The following DFFB variants were observed in gnomAD, a reference collection of about 807,000 sequenced individuals.
DFFB encodes the protein DNA fragmentation factor subunit beta.
A neutral mutation model predicts 32.7 loss-of-function variants in DFFB; 29 were observed. The ratio of observed to expected loss-of-function variants is 0.89; its 90% CI spans 0.66 to 1.21. The LOEUF (loss-of-function observed/expected upper bound fraction) is 1.21, where lower values mean the gene tolerates loss of function less well. Among genes scored for constraint, DFFB ranks in the 50% most tolerant of loss-of-function variants. The probability of loss-of-function intolerance (pLI) is 0.00; values close to 1 mark genes in which losing one functional copy is unlikely to be tolerated. For missense variants in DFFB, 398 were observed against 440.6 expected, an observed-to-expected ratio of 0.90 and a Z score of 0.87; for synonymous variants, 170 against 177.1, an observed-to-expected ratio of 0.96 and a Z score of 0.32.
At chr1:3,866,700 C>A (rs1644986976) in intron 3 of DFFB, among the ~76,000 whole-genome samples, 1 of 152,132 alleles carries the variant, frequency 6.6e-6, no homozygotes, top group African/African-American at 2.4e-5. Context: ...CAAAGCTGAA[C>A]CCGTGTCCCT....
At chr1:3,872,614 G>GGGCCCTGTCCTTGCCGC in intron 6 of DFFB, 42 bp downstream of exon 6, 1 of 959,752 alleles carries the variant, frequency 1.0e-6, no homozygotes, top group Non-Finnish European at 1.5e-6. Flanking sequence ...AGTGCCTGCA[G>GGGCCCTGTCCTTGCCGC]GGCCCTGTCC....
At position 3,884,748 on chromosome 1, in the gene DFFB, T is replaced by C. The variant is rs1473149154; in HGVS notation, c.*1007T>C. The stretch of plus-strand genomic sequence containing the variant: ...ACCAGGGCCAGCTAATTTTTGTATG[T>C]TTAGTAGAAACGGGGTTTCACCATG... On this transcript the variant is annotated 3_prime_UTR_variant, in exon 7 of 7. Coordinates refer to ENST00000378209, the MANE Select transcript of DFFB (RefSeq NM_004402.4). 6.6e-6 allele frequency: 1 copy of C among 152,142 alleles called. No homozygotes were observed. Among genetic ancestry groups the C allele is most frequent in the Non-Finnish European group, 1.5e-5 (1 of 68,044 alleles). The allele number at this position is 152,142 out of a possible 1,614,324, so 9.4% of individuals were successfully genotyped here. A position where few individuals can be genotyped will look rare whatever the true frequency, so the allele number is the denominator to read the frequency against.
chr1:3,860,607 C>A (rs1644862537), intron 2 of DFFB: 4 of 239,168 alleles, frequency 1.7e-5, no homozygotes, highest in Middle Eastern at 9.0e-4. Context: ...TCTACCCTTT[C>A]CCTCAAAGGC....
chr1:3,872,697 G>A, intron 6 of DFFB, 125 bp downstream of exon 6: 1 of 770,102 alleles, frequency 1.3e-6, no homozygotes, highest in Non-Finnish European at 2.0e-6. Flanking sequence ...TTGCCTCCTT[G>A]GGTTTCAAGG....
At chr1:3,872,684 G>T in intron 6 of DFFB, 112 bp downstream of exon 6, 1 of 955,130 alleles carries the variant, frequency 1.0e-6, no homozygotes, top group African/African-American at 1.6e-5. Flanking sequence ...CCCTGCCACG[G>T]TGTTGCCTCC....
chr1:3,879,254 G>T (rs1441648074), intron 6 of DFFB, among the ~76,000 whole-genome samples: 1 of 152,148 alleles, frequency 6.6e-6, no homozygotes, highest in Non-Finnish European at 1.5e-5. Context: ...ATGAGGTGTG[G>T]CTTCTCTTTG....
At chr1:3,878,057 C>T (rs1645259897) in intron 6 of DFFB, among the ~76,000 whole-genome samples, 1 of 152,168 alleles carries the variant, frequency 6.6e-6, no homozygotes, top group Non-Finnish European at 1.5e-5. Context: ...CTGCTGTCTC[C>T]TAGAATGTGA....
intron 4 of DFFB, 93 bp from the exon 5 acceptor site, chr1:3,869,512 T>G: frequency 7.5e-7 from 1 of 1,334,098 alleles, no homozygotes; most frequent in Non-Finnish European, 1.0e-6. Context: ...TTGGGCAGGG[T>G]CTCAGAGGGC....
At chr1:3,868,098 C>T (rs751793100) in intron 4 of DFFB, 45 bp downstream of exon 4, 2 of 1,564,872 alleles carry the variant, frequency 1.3e-6, no homozygotes, top group Non-Finnish European at 1.8e-6. Flanking sequence ...GTTTTTGAAG[C>T]CAGGCTCTGT....
Position 3,872,458 on chromosome 1 carries a change from C to T in DFFB, c.682-14C>T. 1 of 1,603,680 alleles carries T rather than the reference C, an allele frequency of 6.2e-7. No individual in the cohort carries two copies. The highest frequency in any genetic ancestry group is 1.1e-5 in the South Asian group (1 of 90,804). On this transcript the variant is annotated splice_polypyrimidine_tract_variant and intron_variant, in intron 5 of 6. Transcript: ENST00000378209. ...TCACTTTCTGGCCTTCCCTCATTGT[C>T]TTTTGGCCCCCAGGGTCCCTTTGAC...
intron 6 of DFFB, among the ~76,000 whole-genome samples, chr1:3,875,355 G>GAA: frequency 6.6e-6 from 1 of 152,140 alleles, no homozygotes; most frequent in Admixed American, 6.6e-5. Flanking sequence ...CTGGGGATTG[G>GAA]GGTGTGCGTC....
Position 3,868,040 on chromosome 1 carries a change from G to C in DFFB, c.497G>C (p.Ser166Thr), listed in dbSNP as rs776032198. The C allele has an allele frequency of 1.4e-5, 22 of 1,613,990 alleles. No homozygotes were observed. Among genetic ancestry groups the C allele is most frequent in the South Asian group, 6.6e-5 (6 of 91,090 alleles). Residue 166 changes from serine to threonine, a missense_variant, in exon 4 of 7, where the codon AGT (serine) becomes ACT (threonine). Ser to Thr is a moderately conservative substitution (Grantham distance 58). Transcript: ENST00000378209. ...TACAGCTGTGAGAGCCGGATCCGGA[G>C]TTACCTGAGGGAGGTGAGCCTGAGT... Reference protein sequence around the residue: ...LRYSCESRIRSYLREVSSYPS... With the variant: ...LRYSCESRIRTYLREVSSYPS...
At chr1:3,882,479 T>C (rs935602015) in intron 6 of DFFB, among the ~76,000 whole-genome samples, 5 of 151,880 alleles carry the variant, frequency 3.3e-5, no homozygotes, top group Non-Finnish European at 5.9e-5. Flanking sequence ...GTTATCCTGC[T>C]TCAGCCTCCT....
In DFFB at chr1:3,861,514, C is replaced by T. The variant is rs953698960; in HGVS notation, c.241+2670C>T. On this transcript the variant is annotated intron_variant, in intron 2 of 6. Coordinates refer to ENST00000378209, the MANE Select transcript of DFFB (RefSeq NM_004402.4). ...TGCAATCATAGCTCACTCTAGCTTT[C>T]ACTTCCTGGGCTCAAGCGATCCTCC... Among the ~76,000 whole-genome samples, 4 of 152,162 alleles carry T rather than the reference C, an allele frequency of 2.6e-5. No individual in the cohort carries two copies. In the East Asian group the frequency reaches 7.7e-4, roughly 29 times the overall value.
At chr1:3,860,335 C>T (rs1041626189) in intron 2 of DFFB, 13 of 317,118 alleles carry the variant, frequency 4.1e-5, no homozygotes, top group Admixed American at 1.9e-4. Flanking sequence ...CAAGTGATCC[C>T]GTTGCCTCAG....
intron 6 of DFFB, among the ~76,000 whole-genome samples, chr1:3,881,456 G>C (rs963348542): frequency 6.6e-6 from 1 of 152,178 alleles, no homozygotes. Flanking sequence ...AGGGTCCCCT[G>C]GGCCTGTATC....
chr1:3,883,651 AACCACCC>A lies in DFFB; in HGVS notation c.930_936del (p.Thr311SerfsTer16), dbSNP rs1340212394. The A allele has an allele frequency of 1.9e-6, 3 of 1,614,010 alleles. No individual in the cohort carries two copies. The highest frequency in any genetic ancestry group is 1.7e-6 in the Non-Finnish European group (2 of 1,180,040). On this transcript the variant is annotated frameshift_variant, in exon 7 of 7. Transcript: ENST00000378209. LOFTEE classifies it low-confidence loss of function (END_TRUNC). ...TAGTGCACATTGTCTGCCATAAGAAAACCACCCACAAGCTCAACTGTGACCCAAGCAG... is the reference window on the plus strand; with the variant it reads ...TAGTGCACATTGTCTGCCATAAGAAAACAAGCTCAACTGTGACCCAAGCAG...
rs1416025016 is a variant in DFFB at position 3,884,848 on chromosome 1, G to A, written c.*1107G>A. ...GGTCTCCCAAAGTGCTGGGATTACAGGCATGAGCCACTGCACCTGACCTGC... is the reference window on the plus strand; with the variant it reads ...GGTCTCCCAAAGTGCTGGGATTACAAGCATGAGCCACTGCACCTGACCTGC... On this transcript the variant is annotated 3_prime_UTR_variant, in exon 7 of 7. Coordinates refer to ENST00000378209, the MANE Select transcript of DFFB (RefSeq NM_004402.4). 6.6e-6 allele frequency: 1 copy of A among 152,248 alleles called. No homozygotes were observed. Among genetic ancestry groups the A allele is most frequent in the African/African-American group, 2.4e-5 (1 of 41,452 alleles). 9.4% of individuals were successfully genotyped at this position (152,248 alleles called of 1,614,324 possible). A position where few individuals can be genotyped will look rare whatever the true frequency, so the allele number is the denominator to read the frequency against.
chr1:3,871,161 T>G (rs1403813030), intron 5 of DFFB, among the ~76,000 whole-genome samples: 2 of 152,124 alleles, frequency 1.3e-5, no homozygotes, highest in African/African-American at 4.8e-5. Flanking sequence ...TCCCATGAGG[T>G]GGGGGTGCTG....
Sources: allele counts gnomAD v4.1 joint callset (sites outside exome capture counted in the v4.1 genomes callset), GRCh38; gene constraint gnomAD v4.1.1; transcripts MANE v1.5; gene names NCBI Gene and HGNC (gene_info 2026-07-23, HGNC 2026-07-21).